The following MDGA2 variants were observed in gnomAD, a reference collection of about 807,000 sequenced individuals.
MDGA2 encodes the protein MAM domain-containing glycosylphosphatidylinositol anchor protein 2.
Under a neutral mutation model 117.8 loss-of-function variants are expected in MDGA2, and 40 were observed. That is an observed-to-expected ratio of 0.34 (90% CI 0.26 to 0.44). The LOEUF (loss-of-function observed/expected upper bound fraction) is 0.44, where lower values mean the gene tolerates loss of function less well. Ranked by LOEUF, MDGA2 falls within the 20% of genes least tolerant of loss-of-function variation. The probability of loss-of-function intolerance (pLI) is 1.00; values close to 1 mark genes in which losing one functional copy is unlikely to be tolerated. For synonymous variants in MDGA2, 452 were observed against 439.0 expected (o/e 1.03, Z -0.37); for missense variants, 1,123 against 1,250.6 (o/e 0.90, Z 1.54).
At chr14:47,235,885 C>A (rs1594744464) in intron 2 of MDGA2, among the ~76,000 whole-genome samples, 1 of 152,266 alleles carries the variant, frequency 6.6e-6, no homozygotes, top group East Asian at 1.9e-4. Context: ...ACCCCAGTGG[C>A]TGCTCAGGAA....
chr14:47,242,505 TG>T (rs1388912688), intron 2 of MDGA2, among the ~76,000 whole-genome samples: 2 of 151,692 alleles, frequency 1.3e-5, no homozygotes. Context: ...GAGTTCCGGG[TG>T]GGCGTGGGCT....
At position 47,530,077 on chromosome 14, in the gene MDGA2, C is replaced by T. The variant is rs139731723; in HGVS notation, c.280+144440G>A. 1.8e-3 allele frequency among the ~76,000 whole-genome samples: 277 copies of T among 152,256 alleles called. 2 individuals carry two copies. Among genetic ancestry groups the T allele is most frequent in the African/African-American group, 6.4e-3 (267 of 41,532 alleles). On this transcript the variant is annotated intron_variant, in intron 1 of 16. Coordinates refer to ENST00000399232, the MANE Select transcript of MDGA2 (RefSeq NM_001113498.3). ...CCCCTGCAGAGAGCCTATGAACAGA[C>T]GTGTAGTCAGGGAGGTTTCACATCA...
At position 47,133,126 on chromosome 14, in the gene MDGA2, C is replaced by A. The variant is rs1410382523; in HGVS notation, c.793-1280G>T. 2.5e-4 allele frequency among the ~76,000 whole-genome samples: 37 copies of A among 148,424 alleles called. 1 individual carries two copies. Among genetic ancestry groups the A allele is most frequent in the East Asian group, 1.8e-3 (9 of 5,092 alleles). On this transcript the variant is annotated intron_variant, in intron 4 of 16. Coordinates refer to ENST00000399232, the MANE Select transcript of MDGA2 (RefSeq NM_001113498.3). Reference sequence around the variant, plus strand: ...CAGTGGTAAAAAAAAAAAAAACAAACAAACAAAAAAAAACTACCTTTCAAT... The same window carrying A: ...CAGTGGTAAAAAAAAAAAAAACAAAAAAACAAAAAAAAACTACCTTTCAAT...
intron 1 of MDGA2, among the ~76,000 whole-genome samples, chr14:47,645,480 C>T (rs190522832): frequency 9.6e-4 from 146 of 151,798 alleles, no homozygotes; most frequent in Non-Finnish European, 1.6e-3. Flanking sequence ...AAGATCCGCC[C>T]GCCTCGTCCT....
rs957164844 is a variant in MDGA2 at position 47,400,993 on chromosome 14, A to G, written c.281-99443T>C. ...AGGATGGTCTTGATCTCCTGACCTC[A>G]TGATCCGCTCACCTCGGCCTCCTAA... On this transcript the variant is annotated intron_variant, in intron 1 of 16. Transcript: ENST00000399232. Among the ~76,000 whole-genome samples, 7 of 151,262 alleles carry G rather than the reference A, an allele frequency of 4.6e-5. No homozygotes were observed. The East Asian group carries it at 1.0e-3, about 22-fold the overall frequency.
rs1445367083 is a variant in MDGA2 at position 47,560,825 on chromosome 14, G to A, written c.280+113692C>T. Among the ~76,000 whole-genome samples the A allele has an allele frequency of 3.9e-5, 6 of 151,946 alleles. No individual in the cohort carries two copies. In the South Asian group the frequency reaches 1.2e-3, roughly 32 times the overall value. On this transcript the variant is annotated intron_variant, in intron 1 of 16. Coordinates refer to ENST00000399232, the MANE Select transcript of MDGA2 (RefSeq NM_001113498.3). ...ATCCTCCAAGGTTTTCACAGTTTTA[G>A]GTTTTACATTTAAGTTGTTAGTACA...
chr14:47,079,775 A>T (rs1890637351), intron 6 of MDGA2, among the ~76,000 whole-genome samples: 1 of 111,266 alleles, frequency 9.0e-6, no homozygotes, highest in African/African-American at 3.8e-5. Flanking sequence ...TCTGTCGCCC[A>T]GGCTGGAGTG....
chr14:47,461,753 A>G (rs1417325114), intron 1 of MDGA2, among the ~76,000 whole-genome samples: 3 of 152,172 alleles, frequency 2.0e-5, no homozygotes. Context: ...GCAACATATG[A>G]TCCCCATTTT....
chr14:46,896,899 C>A (rs1883097784), intron 10 of MDGA2, among the ~76,000 whole-genome samples: 1 of 152,124 alleles, frequency 6.6e-6, no homozygotes, highest in Admixed American at 6.5e-5. Flanking sequence ...TAGGTGTGGT[C>A]ATATGACCTA....
intron 1 of MDGA2, among the ~76,000 whole-genome samples, chr14:47,419,862 G>T (rs1892543544): frequency 6.6e-6 from 1 of 151,910 alleles, no homozygotes; most frequent in Non-Finnish European, 1.5e-5. Context: ...TTTTTATTGA[G>T]GTAGTCATAC....
chr14:47,113,290 AT>A (rs1440013084), intron 5 of MDGA2, among the ~76,000 whole-genome samples: 8 of 151,928 alleles, frequency 5.3e-5, no homozygotes, highest in Non-Finnish European at 1.2e-4. Context: ...AAGGCCTGAA[AT>A]TGAGGCAATA....
At chr14:47,190,334 G>T (rs145524344) in intron 3 of MDGA2, among the ~76,000 whole-genome samples, 1 of 152,268 alleles carries the variant, frequency 6.6e-6, no homozygotes, top group Admixed American at 6.5e-5. Context: ...TAAAATCAAT[G>T]ACTTGGGTCG....
At chr14:47,594,089 G>A (rs564815885) in intron 1 of MDGA2, among the ~76,000 whole-genome samples, 14 of 152,048 alleles carry the variant, frequency 9.2e-5, no homozygotes, top group Non-Finnish European at 1.6e-4. Flanking sequence ...ATCAATCAGC[G>A]CACTTTTCTC....
chr14:47,610,737 T>C (rs1434218170), intron 1 of MDGA2, among the ~76,000 whole-genome samples: 3 of 152,032 alleles, frequency 2.0e-5, no homozygotes, highest in Non-Finnish European at 2.9e-5. Flanking sequence ...AGAATCAATA[T>C]TGTGAAGGAC....
At chr14:46,996,200 G>T (rs947111160) in intron 8 of MDGA2, among the ~76,000 whole-genome samples, 3 of 152,114 alleles carry the variant, frequency 2.0e-5, no homozygotes, top group Non-Finnish European at 4.4e-5. Context: ...CTAAATTTCT[G>T]CTGATAGGAA....
chr14:47,278,254 A>G (rs1455222000), intron 2 of MDGA2, among the ~76,000 whole-genome samples: 1 of 152,134 alleles, frequency 6.6e-6, no homozygotes, highest in African/African-American at 2.4e-5. Context: ...TAAAAAGGTT[A>G]CTCTTGGAGA....
chr14:47,139,658 T>C lies in MDGA2; in HGVS notation c.792+4420A>G, dbSNP rs536913648. On this transcript the variant is annotated intron_variant, in intron 4 of 16. Coordinates refer to ENST00000399232, the MANE Select transcript of MDGA2 (RefSeq NM_001113498.3). The stretch of plus-strand genomic sequence containing the variant: ...TGCTCCAATACAAACAATACTAACA[T>C]AAAAGTTTTTTTCATTATAGAGTAC... 1.3e-4 allele frequency among the ~76,000 whole-genome samples: 19 copies of C among 151,362 alleles called. No individual in the cohort carries two copies. The South Asian group carries it at 3.9e-3, about 31-fold the overall frequency.
In MDGA2 at chr14:47,555,123, A is replaced by T. The variant is rs183846951; in HGVS notation, c.280+119394T>A. On this transcript the variant is annotated intron_variant, in intron 1 of 16. Transcript: ENST00000399232. Reference sequence around the variant, plus strand: ...CCTATTGTGTGTGTTCTCACTGACCAAAAAAAAAGCATTACCAATGCTTTC... The same window carrying T: ...CCTATTGTGTGTGTTCTCACTGACCTAAAAAAAAGCATTACCAATGCTTTC... Among the ~76,000 whole-genome samples, 20 of 151,012 alleles carry T rather than the reference A, an allele frequency of 1.3e-4. No homozygotes were observed. In the East Asian group the frequency reaches 3.5e-3, roughly 26 times the overall value.
rs1884344576 is a variant in MDGA2 at position 47,174,540 on chromosome 14, G to A, written c.596-30266C>T. 2.6e-5 allele frequency among the ~76,000 whole-genome samples: 4 copies of A among 152,138 alleles called. No individual in the cohort carries two copies. The South Asian group carries it at 8.3e-4, about 32-fold the overall frequency. On this transcript the variant is annotated intron_variant, in intron 3 of 16. Transcript: ENST00000399232. ...CATGGAAACTGAACAACCTGCTCCT[G>A]AATGACTACTGGGTACATAATGAAA...
Sources: gnomAD v4.1 joint callset for allele counts (sites outside exome capture counted in the v4.1 genomes callset) on GRCh38, gnomAD v4.1.1 for gene constraint, MANE v1.5 for transcripts, NCBI Gene and HGNC (gene_info 2026-07-23, HGNC 2026-07-21) for gene names.